Variants in SPATA4 observed in about 807,000 individuals in gnomAD.
SPATA4 encodes spermatogenesis associated 4.
A neutral mutation model predicts 31.8 loss-of-function variants in SPATA4; 35 were observed. The observed-to-expected ratio is 1.10, with a 90% CI of 0.84 to 1.46. SPATA4 has a LOEUF of 1.46. Ranked by LOEUF, SPATA4 falls within the 40% of genes most tolerant of loss-of-function variation. The pLI, the probability that SPATA4 is intolerant of heterozygous loss-of-function variation, is 0.00. For synonymous variants in SPATA4, 126 were observed against 132.4 expected (o/e 0.95, Z 0.33); for missense variants, 394 against 363.1 (o/e 1.09, Z -0.69).
intron 5 of SPATA4, among the ~76,000 whole-genome samples, chr4:176,185,426 A>C (rs1406107234): frequency 6.6e-6 from 1 of 152,210 alleles, no homozygotes; most frequent in Non-Finnish European, 1.5e-5. Context: ...CTTGAGTGTT[A>C]TAAAAAGAAA....
chr4:176,193,674 T>C, intron 1 of SPATA4, 92 bp from the exon 2 acceptor site: 1 of 1,272,834 alleles, frequency 7.9e-7, no homozygotes, highest in Non-Finnish European at 1.0e-6. Context: ...TATTCCATAC[T>C]AAAAGTATCT....
intron 4 of SPATA4, 28 bp downstream of exon 4, chr4:176,192,598 GA>G: frequency 6.4e-7 from 1 of 1,571,304 alleles, no homozygotes; most frequent in Non-Finnish European, 8.8e-7. Context: ...GAGCTTGGAA[GA>G]ACTCAGCTGT....
intron 4 of SPATA4, 148 bp downstream of exon 4, chr4:176,192,479 T>C: frequency 1.5e-6 from 1 of 658,602 alleles, no homozygotes; most frequent in Admixed American, 2.9e-5. Context: ...TAATAAATCA[T>C]TTCACTGCTA....
At chr4:176,193,139 T>C in intron 2 of SPATA4, 63 bp from the exon 3 acceptor site, 2 of 1,068,014 alleles carry the variant, frequency 1.9e-6, no homozygotes, top group Admixed American at 2.4e-5. Flanking sequence ...CCAAGTACTA[T>C]GAATTCACTT....
rs1752600120 is a variant in SPATA4 at position 176,195,368 on chromosome 4, G to A, written c.195C>T (p.Ser65=). 6.2e-7 allele frequency: 1 copy of A among 1,614,040 alleles called. No individual in the cohort carries two copies. The highest frequency in any genetic ancestry group is 8.5e-7 in the Non-Finnish European group (1 of 1,180,052). ...ACCTGTTGATGTTCCTGGGGAAGAAGCTGAGATCCAGACCCTGAAGCCAAC... is the reference window on the plus strand; with the variant it reads ...ACCTGTTGATGTTCCTGGGGAAGAAACTGAGATCCAGACCCTGAAGCCAAC... ...VLRWLQGLDL[S]FFPRNINRDF... is the part of the protein sequence containing the mutation. Residue 65 remains serine, a synonymous_variant, in exon 1 of 6, where the codon AGC becomes AGT. Transcript: ENST00000280191.
In SPATA4 at chr4:176,193,089, A is replaced by G. The variant is rs773460087; in HGVS notation, c.349-13T>C. Reference sequence around the variant, plus strand: ...TTCTTGCCAGGAACTTTAATAGTAGAAAGAAAATGTTTTTATCATAAGAAC... The same window carrying G: ...TTCTTGCCAGGAACTTTAATAGTAGGAAGAAAATGTTTTTATCATAAGAAC... On this transcript the variant is annotated splice_polypyrimidine_tract_variant and intron_variant, in intron 2 of 5. Coordinates refer to ENST00000280191, the MANE Select transcript of SPATA4 (RefSeq NM_144644.4). The G allele has an allele frequency of 6.8e-6, 10 of 1,462,628 alleles. No individual in the cohort carries two copies. The South Asian group carries it at 1.2e-4, about 18-fold the overall frequency. 90.6% of individuals were successfully genotyped at this position (1,462,628 alleles called of 1,614,324 possible).
At chr4:176,186,034 C>G (rs1466870226) in intron 5 of SPATA4, among the ~76,000 whole-genome samples, 1 of 152,036 alleles carries the variant, frequency 6.6e-6, no homozygotes, top group Non-Finnish European at 1.5e-5. Context: ...ATTGTAAAAG[C>G]AAAAATTCAT....
At position 176,192,680 on chromosome 4, in the gene SPATA4, A is replaced by G. The variant is rs771536529; in HGVS notation, c.635T>C (p.Phe212Ser). 16 of 1,614,072 alleles carry G rather than the reference A, an allele frequency of 9.9e-6. No individual in the cohort carries two copies. The East Asian group carries it at 3.3e-4, about 34-fold the overall frequency. Residue 212 changes from phenylalanine (F) to serine (S), a missense_variant, in exon 4 of 6, where the codon TTC becomes TCC. Physicochemically the swap from Phe to Ser is radical, Grantham distance 155. Transcript: ENST00000280191. ...NMLTNELKAE[F>S]LILLHMLQRK... ...TTGCAACATATGTAAAAGGATGAGG[A>G]ACTCCGCTTTAAGTTCATTGGTCAG...
chr4:176,185,138 G>C (rs10004325), intron 5 of SPATA4, among the ~76,000 whole-genome samples: 37,973 of 151,994 alleles, frequency 0.25, 4,961 homozygotes, highest in Admixed American at 0.37. Flanking sequence ...GCTTATTTTG[G>C]TGCATCTGAT....
rs1407021364 is a variant in SPATA4 at position 176,195,517 on chromosome 4, C to G, written c.46G>C (p.Ala16Pro). ...AGTGACGGTGACTTGTCTAGGGCTGCCGCAGTCTGTGTCAAATACCCTTTT... is the reference window on the plus strand; with the variant it reads ...AGTGACGGTGACTTGTCTAGGGCTGGCGCAGTCTGTGTCAAATACCCTTTT... Reference protein sequence around the residue: ...QEKGYLTQTAAALDKSPSLSP... With the variant: ...QEKGYLTQTAPALDKSPSLSP... Residue 16 changes from alanine to proline, a missense_variant, in exon 1 of 6, where the codon GCA (alanine) becomes CCA (proline). Transcript: ENST00000280191. The G allele has an allele frequency of 6.2e-7, 1 of 1,614,128 alleles. No homozygotes were observed. The highest frequency in any genetic ancestry group is 2.2e-5 in the East Asian group (1 of 44,896).
In SPATA4 at chr4:176,191,264, T is replaced by A. The variant is rs555311050; in HGVS notation, c.688+1363A>T. Among the ~76,000 whole-genome samples the A allele has an allele frequency of 1.9e-4, 29 of 152,188 alleles. No individual in the cohort carries two copies. In the East Asian group the frequency reaches 5.4e-3, roughly 28 times the overall value. ...GCACACGCCACCATGCCCAGCTAATTTTTGTGTTTTTAGTAGAGACGGGAT... is the reference window on the plus strand; with the variant it reads ...GCACACGCCACCATGCCCAGCTAATATTTGTGTTTTTAGTAGAGACGGGAT... On this transcript the variant is annotated intron_variant, in intron 4 of 5. Transcript: ENST00000280191.
intron 4 of SPATA4, among the ~76,000 whole-genome samples, chr4:176,191,672 TC>T (rs1358508068): frequency 1.3e-5 from 2 of 152,182 alleles, no homozygotes; most frequent in Admixed American, 1.3e-4. Context: ...AAAACTCTTC[TC>T]ATTAATAACC....
intron 1 of SPATA4, 117 bp downstream of exon 1, chr4:176,195,226 TGG>T: frequency 1.2e-6 from 1 of 819,340 alleles, no homozygotes; most frequent in Non-Finnish European, 2.0e-6. Context: ...TGTACGTGGG[TGG>T]GGGGGTCTTG....
Position 176,195,425 on chromosome 4 carries a change from C to A in SPATA4, c.138G>T (p.Pro46=). The A allele has an allele frequency of 6.2e-7, 1 of 1,614,254 alleles. No individual in the cohort carries two copies. The highest frequency in any genetic ancestry group is 8.5e-7 in the Non-Finnish European group (1 of 1,180,048). The part of the protein sequence containing the change: ...PKKCLVYPHA[P]KSSRLSRSVL... ...CGGAACGAGACAAGCGGGAGCTCTT[C>A]GGCGCATGCGGATAGACCAGACACT... Residue 46 remains proline, a synonymous_variant, in exon 1 of 6, where the codon CCG becomes CCT. Coordinates refer to ENST00000280191, the MANE Select transcript of SPATA4 (RefSeq NM_144644.4).
At chr4:176,189,414 A>G (rs1343330459) in intron 4 of SPATA4, among the ~76,000 whole-genome samples, 1 of 152,094 alleles carries the variant, frequency 6.6e-6, no homozygotes, top group African/African-American at 2.4e-5. Context: ...ACTTAGTCCA[A>G]AAGAAGAAAA....
chr4:176,186,934 A>G (rs1405868235), intron 5 of SPATA4, among the ~76,000 whole-genome samples: 10 of 152,208 alleles, frequency 6.6e-5, no homozygotes, highest in African/African-American at 2.4e-4. Flanking sequence ...GTCAGGAAAC[A>G]TAATCTGTAG....
In SPATA4 at chr4:176,192,639, T is replaced by C; in HGVS notation, c.676A>G (p.Lys226Glu). Residue 226 changes from lysine (K) to glutamate (E), a missense_variant, in exon 4 of 6, where the codon AAA becomes GAA. Lys to Glu is a moderately conservative substitution (Grantham distance 56, BLOSUM62 1). Coordinates refer to ENST00000280191, the MANE Select transcript of SPATA4 (RefSeq NM_144644.4). ...AAGGAAAACTTACCTGGATTCAATT[T>C]TCTGCCTAATTTTCTTTGCAACATA... ...LHMLQRKLGR[K>E]LNPEWFDVKP... 6.2e-7 allele frequency: 1 copy of C among 1,613,980 alleles called. No homozygotes were observed. Among genetic ancestry groups the C allele is most frequent in the Non-Finnish European group, 8.5e-7 (1 of 1,179,926 alleles).
chr4:176,192,740 A>C lies in SPATA4; in HGVS notation c.575T>G (p.Ile192Ser). ...ATTGCTTAGTAATTCTGATAACCTA[A>C]TGTTATCTTTAATAGACTTCGAAAC... ...STVSKSIKDN[I>S]RLSELLSNPN... is the part of the protein sequence containing the mutation. The change falls in exon 4 of 6, where the codon ATT becomes AGT. Residue 192 changes from isoleucine (I) to serine (S), a missense_variant. Ile to Ser is a moderately radical substitution (Grantham distance 142). Coordinates refer to ENST00000280191, the MANE Select transcript of SPATA4 (RefSeq NM_144644.4). The C allele has an allele frequency of 6.2e-7, 1 of 1,614,106 alleles. No homozygotes were observed. Among genetic ancestry groups the C allele is most frequent in the Non-Finnish European group, 8.5e-7 (1 of 1,179,986 alleles).
chr4:176,193,387 A>G, intron 2 of SPATA4, 66 bp downstream of exon 2: 2 of 1,566,366 alleles, frequency 1.3e-6, no homozygotes, highest in Non-Finnish European at 8.6e-7. Flanking sequence ...AGATCCAGGA[A>G]ATTAGCATGG....
Sources: gnomAD v4.1 joint callset for allele counts (sites outside exome capture counted in the v4.1 genomes callset) on GRCh38, gnomAD v4.1.1 for gene constraint, MANE v1.5 for transcripts, NCBI Gene and HGNC (gene_info 2026-07-23, HGNC 2026-07-21) for gene names.